HTR2C: variants seen among roughly 807,000 people sequenced by gnomAD.
HTR2C encodes the protein 5-hydroxytryptamine (serotonin) receptor 2C, G protein-coupled.
Under a neutral mutation model 21.0 loss-of-function variants are expected in HTR2C, and 5 were observed. The ratio of observed to expected loss-of-function variants is 0.24; its 90% confidence interval spans 0.12 to 0.50. HTR2C has a LOEUF of 0.50. Ranked by LOEUF, HTR2C falls within the 20% of genes least tolerant of loss-of-function variation. The pLI, the probability that HTR2C is intolerant of heterozygous loss-of-function variation, is 0.98. For synonymous variants in HTR2C, 150 were observed against 145.3 expected (o/e 1.03, Z -0.23); for missense variants, 271 against 371.2 (o/e 0.73, Z 2.22).
At chrX:114,654,909 T>A (rs1930727634) in intron 2 of HTR2C, among the ~76,000 whole-genome samples, 1 of 110,258 alleles carries the variant, frequency 9.1e-6, no homozygotes, top group African/African-American at 3.3e-5. Flanking sequence ...GAAATGCAAA[T>A]TATTTAAACA....
Position 114,721,468 on chromosome X carries a change from G to C in HTR2C, c.-79-5390G>C, listed in dbSNP as rs1443938153. Among the ~76,000 whole-genome samples the C allele has an allele frequency of 1.7e-4, 16 of 92,216 alleles. No homozygotes were observed. The South Asian group carries it at 6.5e-3, about 37-fold the overall frequency. 80.1% of individuals were successfully genotyped at this position (92,216 alleles called of 115,157 possible). A position where few individuals can be genotyped will look rare whatever the true frequency, so the allele number is the denominator to read the frequency against. On this transcript the variant is annotated intron_variant, in intron 2 of 5. Coordinates refer to ENST00000276198, the MANE Select transcript of HTR2C (RefSeq NM_000868.4). The stretch of plus-strand genomic sequence containing the variant: ...AAAATTTTCTCCCATTTTGTAGGTT[G>C]CCTGTTCACTCTGATGGTAGTTTCT...
chrX:114,749,259 G>A (rs1234160615), intron 4 of HTR2C, among the ~76,000 whole-genome samples: 1 of 108,025 alleles, frequency 9.3e-6, no homozygotes, highest in African/African-American at 3.4e-5. Context: ...GACCAGCCTG[G>A]GCAGCATGGC....
chrX:114,834,967 C>T (rs782799710), intron 4 of HTR2C, among the ~76,000 whole-genome samples: 4,408 of 102,150 alleles, frequency 0.043, 232 homozygotes, highest in African/African-American at 0.14. Context: ...ACTTATGAAG[C>T]TTAATTTGGC....
chrX:114,800,561 G>A (rs1196845128), intron 4 of HTR2C, among the ~76,000 whole-genome samples: 1 of 111,061 alleles, frequency 9.0e-6, no homozygotes, highest in Non-Finnish European at 1.9e-5. Flanking sequence ...TAATTCATTG[G>A]CACTTCTTTG....
At chrX:114,655,900 T>C (rs1930765012) in intron 2 of HTR2C, among the ~76,000 whole-genome samples, 1 of 111,610 alleles carries the variant, frequency 9.0e-6, no homozygotes, top group African/African-American at 3.2e-5. Context: ...ATATTTCCAT[T>C]ATCATTTCAA....
intron 4 of HTR2C, among the ~76,000 whole-genome samples, chrX:114,777,185 C>T (rs1312868233): frequency 8.9e-6 from 1 of 111,957 alleles, no homozygotes; most frequent in East Asian, 2.8e-4. Context: ...CCCTTTTCTG[C>T]ATTTATATTT....
At position 114,713,282 on chromosome X, in the gene HTR2C, T is replaced by C. The variant is rs191027826; in HGVS notation, c.-79-13576T>C. 3.6e-4 allele frequency among the ~76,000 whole-genome samples: 40 copies of C among 111,603 alleles called. No individual in the cohort carries two copies. In the East Asian group the frequency reaches 0.011, roughly 31 times the overall value. On this transcript the variant is annotated intron_variant, in intron 2 of 5. Transcript: ENST00000276198. ...CAGTATCTATTTCTAAAATTGTGGC[T>C]ATATTACTGCAAAACCATGATGCAA...
intron 2 of HTR2C, among the ~76,000 whole-genome samples, chrX:114,696,606 G>A (rs932741743): frequency 4.4e-5 from 4 of 91,171 alleles, no homozygotes; most frequent in African/African-American, 1.5e-4. Flanking sequence ...CTGAATTAAA[G>A]TACACAGATA....
At chrX:114,713,591 A>G (rs1317916712) in intron 2 of HTR2C, among the ~76,000 whole-genome samples, 1 of 111,307 alleles carries the variant, frequency 9.0e-6, no homozygotes, top group African/African-American at 3.3e-5. Context: ...AGAAGTAAAA[A>G]CAGATGTTGT....
At chrX:114,776,873 G>A in intron 4 of HTR2C, 2 of 154,714 alleles carry the variant, frequency 1.3e-5, no homozygotes, top group Non-Finnish European at 1.2e-5. Flanking sequence ...CTTCTTGAAA[G>A]GGAAAATAGA....
intron 4 of HTR2C, among the ~76,000 whole-genome samples, chrX:114,844,208 AT>A (rs1315734242): frequency 8.9e-6 from 1 of 111,899 alleles, no homozygotes; most frequent in East Asian, 2.8e-4. Context: ...TGTATAAAAA[AT>A]GTAATTTATG....
intron 4 of HTR2C, among the ~76,000 whole-genome samples, chrX:114,756,917 T>G (rs2069819319): frequency 9.0e-6 from 1 of 111,681 alleles, no homozygotes; most frequent in African/African-American, 3.3e-5. Context: ...ATAAAAATTT[T>G]AATTAAAAAA....
intron 2 of HTR2C, among the ~76,000 whole-genome samples, chrX:114,684,720 C>CA (rs1931857335): frequency 9.0e-6 from 1 of 110,819 alleles, no homozygotes; most frequent in South Asian, 3.8e-4. Flanking sequence ...GCAAAAATAC[C>CA]AAATCTAAGA....
At chrX:114,665,118 T>C (rs1163497585) in intron 2 of HTR2C, among the ~76,000 whole-genome samples, 1 of 112,039 alleles carries the variant, frequency 8.9e-6, no homozygotes, top group Admixed American at 9.5e-5. Flanking sequence ...AACAGAACAA[T>C]AGAAAAAAAA....
intron 4 of HTR2C, among the ~76,000 whole-genome samples, chrX:114,786,872 T>C (rs1479867113): frequency 7.2e-5 from 8 of 111,202 alleles, no homozygotes; most frequent in African/African-American, 2.6e-4. Context: ...TGTTTTTTTG[T>C]TTTTGTTTTT....
chrX:114,648,452 G>A (rs1332571056), intron 2 of HTR2C, among the ~76,000 whole-genome samples: 7 of 111,590 alleles, frequency 6.3e-5, no homozygotes, highest in African/African-American at 1.3e-4. Context: ...ACAGGTCCAG[G>A]CACCGTGACT....
At chrX:114,743,549 C>A (rs945999051) in intron 4 of HTR2C, among the ~76,000 whole-genome samples, 1 of 111,184 alleles carries the variant, frequency 9.0e-6, no homozygotes, top group African/African-American at 3.3e-5. Context: ...GAAGATGAAT[C>A]GATAGAAATT....
intron 2 of HTR2C, among the ~76,000 whole-genome samples, chrX:114,661,302 C>T (rs1404076399): frequency 9.1e-6 from 1 of 110,276 alleles, no homozygotes; most frequent in African/African-American, 3.3e-5. Flanking sequence ...AAAATACCGC[C>T]GTGGTGGTGG....
chrX:114,670,657 C>T (rs1931346389), intron 2 of HTR2C, among the ~76,000 whole-genome samples: 1 of 111,870 alleles, frequency 8.9e-6, no homozygotes, highest in African/African-American at 3.2e-5. Context: ...AGTGTAAGTT[C>T]AATGTTTATA....
Sources: gnomAD v4.1 joint callset for allele counts (sites outside exome capture counted in the v4.1 genomes callset) on GRCh38, gnomAD v4.1.1 for gene constraint, MANE v1.5 for transcripts, NCBI Gene and HGNC (gene_info 2026-07-23, HGNC 2026-07-21) for gene names.